Variants in AFF3 observed in about 807,000 individuals in gnomAD.
AFF3 encodes the protein ALF transcription elongation factor 3.
AFF3 carries 32 observed loss-of-function variants against 129.7 expected under a neutral mutation model. That is an observed-to-expected ratio of 0.25 (90% CI 0.19 to 0.33). AFF3 has a LOEUF of 0.33. Ranked by LOEUF, AFF3 falls within the 10% of genes least tolerant of loss-of-function variation. The pLI, the probability that AFF3 is intolerant of heterozygous loss-of-function variation, is 1.00. For synonymous variants in AFF3, 644 were observed against 635.4 expected (o/e 1.01, Z -0.20); for missense variants, 1,373 against 1,592.0 (o/e 0.86, Z 2.34).
chr2:99,682,737 C>T (rs1246617634), intron 11 of AFF3, among the ~76,000 whole-genome samples: 1 of 152,282 alleles, frequency 6.6e-6, no homozygotes, highest in Middle Eastern at 3.4e-3. Flanking sequence ...CCCCAGAATC[C>T]CTGCCGATAG....
intron 8 of AFF3, among the ~76,000 whole-genome samples, chr2:99,788,929 T>C (rs779075898): frequency 6.6e-6 from 1 of 152,226 alleles, no homozygotes; most frequent in Non-Finnish European, 1.5e-5. Context: ...GCATTCAGTA[T>C]AGTAGCATGC....
intron 1 of AFF3, among the ~76,000 whole-genome samples, chr2:100,130,495 G>A (rs182109760): frequency 4.6e-5 from 7 of 152,356 alleles, no homozygotes; most frequent in Admixed American, 2.6e-4. Context: ...CTGAGCAAGA[G>A]AAGTGTGGGC....
At chr2:99,676,662 T>C (rs536066398) in intron 11 of AFF3, among the ~76,000 whole-genome samples, 1 of 152,342 alleles carries the variant, frequency 6.6e-6, no homozygotes, top group African/African-American at 2.4e-5. Context: ...GATAAACAAG[T>C]TGAGACTTTG....
At chr2:99,917,211 G>A (rs1292722776) in intron 7 of AFF3, among the ~76,000 whole-genome samples, 1 of 152,190 alleles carries the variant, frequency 6.6e-6, no homozygotes, top group Admixed American at 6.5e-5. Context: ...CCACCCTTTG[G>A]CCTGAAGGGC....
intron 7 of AFF3, among the ~76,000 whole-genome samples, chr2:99,950,888 GATA>G (rs777384477): frequency 6.6e-5 from 10 of 152,114 alleles, no homozygotes; most frequent in African/African-American, 9.7e-5. Context: ...AAAAAATTAA[GATA>G]ATGAGACTAC....
At chr2:99,958,029 G>A (rs1301585102) in intron 7 of AFF3, among the ~76,000 whole-genome samples, 1 of 152,170 alleles carries the variant, frequency 6.6e-6, no homozygotes, top group East Asian at 1.9e-4. Flanking sequence ...ACTGGTCATT[G>A]TGATGCATCC....
intron 17 of AFF3, among the ~76,000 whole-genome samples, chr2:99,579,746 GTA>G (rs58622981): frequency 0.33 from 49,680 of 150,524 alleles, 11,442 homozygotes; most frequent in African/African-American, 0.66. Context: ...ATGTGTGTGT[GTA>G]TATATATATA....
intron 4 of AFF3, among the ~76,000 whole-genome samples, chr2:100,028,940 G>T (rs1482209000): frequency 6.6e-6 from 1 of 151,636 alleles, no homozygotes; most frequent in African/African-American, 2.4e-5. Context: ...AACTGAGAGC[G>T]GGGTCTTGGA....
In AFF3 at chr2:99,545,802, AC is replaced by A. The variant is rs1022672209; in HGVS notation, c.*5671del. Reference sequence around the variant, plus strand: ...TCCCCTTGCAGCCAACACAAAATTTACCCCCTGCTGCCTCGGAGTGCCAATT... The same window carrying A: ...TCCCCTTGCAGCCAACACAAAATTTACCCCTGCTGCCTCGGAGTGCCAATT... On this transcript the variant is annotated 3_prime_UTR_variant, in exon 25 of 25. Coordinates refer to ENST00000672756, the MANE Select transcript of AFF3 (RefSeq NM_001386135.1). 5.6e-6 allele frequency: 1 copy of A among 178,668 alleles called. No individual in the cohort carries two copies. Among genetic ancestry groups the A allele is most frequent in the Non-Finnish European group, 1.2e-5 (1 of 83,332 alleles). The allele number at this position is 178,668 out of a possible 1,614,324, so 11.1% of individuals were successfully genotyped here. A position where few individuals can be genotyped will look rare whatever the true frequency, so the allele number is the denominator to read the frequency against.
intron 11 of AFF3, among the ~76,000 whole-genome samples, chr2:99,718,222 C>T (rs1318872553): frequency 6.6e-6 from 1 of 152,140 alleles, no homozygotes; most frequent in Non-Finnish European, 1.5e-5. Flanking sequence ...GTCTTTTGAT[C>T]AAGATTGTGT....
At chr2:99,648,941 A>G (rs1273234217) in intron 13 of AFF3, among the ~76,000 whole-genome samples, 3 of 39,990 alleles carry the variant, frequency 7.5e-5, no homozygotes, top group Non-Finnish European at 1.8e-4. Flanking sequence ...TCTCTCTCCA[A>G]TCTTAGTAAG....
At chr2:99,654,665 TGAGA>T (rs1685584689) in intron 12 of AFF3, among the ~76,000 whole-genome samples, 2 of 152,194 alleles carry the variant, frequency 1.3e-5, no homozygotes, top group African/African-American at 4.8e-5. Flanking sequence ...CAAAATAGGT[TGAGA>T]GGGTTAAGAG....
At chr2:99,895,497 C>T (rs1693870316) in intron 7 of AFF3, among the ~76,000 whole-genome samples, 1 of 152,174 alleles carries the variant, frequency 6.6e-6, no homozygotes, top group South Asian at 2.1e-4. Flanking sequence ...TATTATTGAA[C>T]TGCATCCATT....
At chr2:99,599,782 G>T (rs1679640865) in intron 14 of AFF3, among the ~76,000 whole-genome samples, 1 of 152,124 alleles carries the variant, frequency 6.6e-6, no homozygotes, top group Non-Finnish European at 1.5e-5. Context: ...AAATATTCCA[G>T]AATTTCTCCA....
At chr2:99,901,864 G>GACAA (rs1694365851) in intron 7 of AFF3, among the ~76,000 whole-genome samples, 1 of 152,064 alleles carries the variant, frequency 6.6e-6, no homozygotes, top group African/African-American at 2.4e-5. Context: ...CAGAGCAGAA[G>GACAA]GCCAACTGCT....
intron 8 of AFF3, among the ~76,000 whole-genome samples, chr2:99,824,589 T>TA (rs1392709731): frequency 6.6e-6 from 1 of 152,170 alleles, no homozygotes; most frequent in Admixed American, 6.5e-5. Context: ...GAGAGAGAAA[T>TA]ACACACACTT....
At chr2:100,095,697 C>T (rs1226510891) in intron 4 of AFF3, among the ~76,000 whole-genome samples, 1 of 152,218 alleles carries the variant, frequency 6.6e-6, no homozygotes, top group African/African-American at 2.4e-5. Flanking sequence ...TATGTGCACG[C>T]ACACACCCTC....
At chr2:99,809,475 A>C (rs1558871237) in intron 8 of AFF3, among the ~76,000 whole-genome samples, 2 of 152,252 alleles carry the variant, frequency 1.3e-5, no homozygotes, top group African/African-American at 2.4e-5. Context: ...CAATAGAAGC[A>C]GAAAATAGAT....
chr2:100,031,036 A>G (rs1379619338), intron 4 of AFF3, among the ~76,000 whole-genome samples: 1 of 152,228 alleles, frequency 6.6e-6, no homozygotes, highest in Non-Finnish European at 1.5e-5. Flanking sequence ...GATTATACAT[A>G]TGCATTTTAA....
Sources: allele counts gnomAD v4.1 joint callset (sites outside exome capture counted in the v4.1 genomes callset), GRCh38; gene constraint gnomAD v4.1.1; transcripts MANE v1.5; gene names NCBI Gene and HGNC (gene_info 2026-07-23, HGNC 2026-07-21).